ASIC2: variants seen among roughly 807,000 people sequenced by gnomAD.
ASIC2 encodes acid sensing ion channel subunit 2, also known as acid-sensing ion channel 2.
In ASIC2, 25 loss-of-function variants were observed where a neutral mutation model predicts 57.3. The observed-to-expected ratio is 0.44, with a 90% CI of 0.32 to 0.61. The LOEUF (loss-of-function observed/expected upper bound fraction) is 0.61, where lower values mean the gene tolerates loss of function less well. ASIC2 is among the 20% of genes least tolerant of loss of function. ASIC2 has a pLI of 0.06. For missense variants in ASIC2, 641 were observed against 738.1 expected (o/e 0.87, Z 1.52); for synonymous variants, 319 against 307.5 (o/e 1.04, Z -0.39).
rs956729015 is a variant in ASIC2, at chr17:33,292,480, C to T, written c.-365G>A. The T allele has an allele frequency of 1.0e-6, 1 of 985,688 alleles. No individual in the cohort carries two copies. The highest frequency in any genetic ancestry group is 1.7e-5 in the African/African-American group (1 of 57,368). 61.1% of individuals were successfully genotyped at this position (985,688 alleles called of 1,614,324 possible). A position where few individuals can be genotyped will look rare whatever the true frequency, so the allele number is the denominator to read the frequency against. ...TCCAGTCCCTGGGTGCTGCGCCCGC[C>T]TTCCCTCGTCCTGGACCTCGGGGGA... On this transcript the variant is annotated 5_prime_UTR_variant, in exon 1 of 10. Transcript: ENST00000225823.
chr17:33,217,061 A>G (rs2142093958), intron 1 of ASIC2, among the ~76,000 whole-genome samples: 1 of 152,322 alleles, frequency 6.6e-6, no homozygotes, highest in African/African-American at 2.4e-5. Flanking sequence ...TGTCATTGCT[A>G]ATTTATGTGT....
At chr17:33,494,097 A>G (rs1913851775) in intron 1 of ASIC2, among the ~76,000 whole-genome samples, 1 of 152,246 alleles carries the variant, frequency 6.6e-6, no homozygotes, top group African/African-American at 2.4e-5. Context: ...AAGCTGGGCC[A>G]GGACCTGCCC....
At position 33,436,853 on chromosome 17, in the gene ASIC2, C is replaced by CTTCTTTTT. The variant is rs1356302162; in HGVS notation, c.556-324787_556-324786insAAAAAGAA. 2.1e-3 allele frequency among the ~76,000 whole-genome samples: 140 copies of CTTCTTTTT among 66,614 alleles called. 7 individuals are homozygous for CTTCTTTTT. Among genetic ancestry groups the CTTCTTTTT allele is most frequent in the Non-Finnish European group, 2.7e-3 (90 of 32,900 alleles). The allele number at this position is 66,614 out of a possible 152,430, so 43.7% of individuals were successfully genotyped here. A position where few individuals can be genotyped will look rare whatever the true frequency, so the allele number is the denominator to read the frequency against. On this transcript the variant is annotated intron_variant, in intron 1 of 9. Transcript: ENST00000359872. ...AATGCCTTAAAACACATTCCAACTTCTTTTTTTTTTTTTTTTTTTTTTTTT... is the reference window on the plus strand; with the variant it reads ...AATGCCTTAAAACACATTCCAACTTCTTCTTTTTTTTTTTTTTTTTTTTTTTTTTTTTT...
intron 5 of ASIC2, among the ~76,000 whole-genome samples, chr17:33,024,674 G>A (rs757847938): frequency 2.6e-5 from 4 of 152,176 alleles, no homozygotes; most frequent in South Asian, 2.1e-4. Flanking sequence ...CATGCTGGGC[G>A]GGCCTAGCCC....
intron 1 of ASIC2, among the ~76,000 whole-genome samples, chr17:33,900,508 G>A (rs1272706958): frequency 6.6e-6 from 1 of 152,012 alleles, no homozygotes; most frequent in East Asian, 1.9e-4. Context: ...CTGCCAGGGT[G>A]GGAGTAAAAA....
intron 1 of ASIC2, among the ~76,000 whole-genome samples, chr17:33,152,238 C>T (rs1302480378): frequency 6.6e-6 from 1 of 152,186 alleles, no homozygotes; most frequent in Non-Finnish European, 1.5e-5. Flanking sequence ...GCTACTCGAT[C>T]ATACTAGACA....
intron 3 of ASIC2, among the ~76,000 whole-genome samples, chr17:33,040,444 T>G: frequency 6.6e-6 from 1 of 152,252 alleles, no homozygotes; most frequent in Middle Eastern, 3.2e-3. Context: ...CTAATGTATC[T>G]GCTCCACTAA....
At chr17:33,457,057 T>C (rs1395924445) in intron 1 of ASIC2, among the ~76,000 whole-genome samples, 1 of 152,222 alleles carries the variant, frequency 6.6e-6, no homozygotes, top group Non-Finnish European at 1.5e-5. Flanking sequence ...AGCTTCAGTT[T>C]TCTTAACTGT....
intron 1 of ASIC2, among the ~76,000 whole-genome samples, chr17:33,700,703 A>G (rs1238115471): frequency 1.3e-5 from 2 of 152,240 alleles, no homozygotes; most frequent in African/African-American, 4.8e-5. Context: ...TTCTGTTTTC[A>G]TGGAGGAAGG....
intron 1 of ASIC2, among the ~76,000 whole-genome samples, chr17:33,724,851 CAT>C (rs1187904126): frequency 2.0e-5 from 3 of 152,074 alleles, no homozygotes; most frequent in Non-Finnish European, 4.4e-5. Flanking sequence ...CACACACACA[CAT>C]ACACACTCAC....
intron 1 of ASIC2, among the ~76,000 whole-genome samples, chr17:33,817,490 A>G (rs1912619476): frequency 6.6e-6 from 1 of 152,062 alleles, no homozygotes; most frequent in African/African-American, 2.4e-5. Context: ...TGCTTCCTAT[A>G]AAGACACTGT....
At chr17:33,027,390 T>C (rs2091863709) in intron 4 of ASIC2, among the ~76,000 whole-genome samples, 1 of 152,234 alleles carries the variant, frequency 6.6e-6, no homozygotes. Flanking sequence ...AAGTATGATA[T>C]AACCATGAAA....
intron 1 of ASIC2, among the ~76,000 whole-genome samples, chr17:33,270,517 A>C (rs535736074): frequency 2.6e-5 from 4 of 152,206 alleles, no homozygotes; most frequent in Non-Finnish European, 4.4e-5. Flanking sequence ...TGGAGTCCCA[A>C]ATGCATGTGA....
intron 1 of ASIC2, among the ~76,000 whole-genome samples, chr17:33,642,015 GAGA>G (rs1420581071): frequency 6.6e-6 from 1 of 151,802 alleles, no homozygotes; most frequent in East Asian, 1.9e-4. Context: ...TATTTATAGG[GAGA>G]AGATCATACA....
chr17:33,858,387 G>A (rs1597905163), intron 1 of ASIC2, among the ~76,000 whole-genome samples: 1 of 152,200 alleles, frequency 6.6e-6, no homozygotes, highest in East Asian at 1.9e-4. Flanking sequence ...CAGCCTGGTG[G>A]CTGCAGAGAA....
chr17:33,307,958 G>A (rs375634943), intron 1 of ASIC2, among the ~76,000 whole-genome samples: 8 of 152,160 alleles, frequency 5.3e-5, no homozygotes, highest in Admixed American at 3.3e-4. Flanking sequence ...ATTGTGCAAC[G>A]GTTGTTAGCT....
intron 1 of ASIC2, among the ~76,000 whole-genome samples, chr17:33,633,948 C>T (rs958839927): frequency 1.3e-5 from 2 of 152,160 alleles, no homozygotes; most frequent in African/African-American, 2.4e-5. Context: ...CATTTCCTGC[C>T]TTATTCTTTG....
At chr17:33,443,514 C>T (rs1004899602) in intron 1 of ASIC2, among the ~76,000 whole-genome samples, 16 of 142,810 alleles carry the variant, frequency 1.1e-4, no homozygotes, top group South Asian at 4.6e-4. Context: ...CCCGGGTTAA[C>T]GCCATTCTCC....
intron 1 of ASIC2, among the ~76,000 whole-genome samples, chr17:34,021,640 G>A (rs934390876): frequency 6.6e-6 from 1 of 152,054 alleles, no homozygotes. Context: ...CTCTAAACAT[G>A]GATCAGATCC....
Sources: gnomAD v4.1 joint callset for allele counts (sites outside exome capture counted in the v4.1 genomes callset) on GRCh38, gnomAD v4.1.1 for gene constraint, MANE v1.5 for transcripts, NCBI Gene and HGNC (gene_info 2026-07-23, HGNC 2026-07-21) for gene names.